Variants in ANKFN1 observed in about 807,000 individuals in gnomAD.
ANKFN1 encodes ankyrin repeat and fibronectin type III domain containing 1, also known as ankyrin repeat and fibronectin type-III domain-containing protein 1.
ANKFN1 carries 74 observed loss-of-function variants against 108.7 expected under a neutral mutation model. That is an observed-to-expected ratio of 0.68 (90% CI 0.56 to 0.83). The LOEUF is 0.83. Ranked by LOEUF, ANKFN1 falls within the 40% of genes least tolerant of loss-of-function variation. ANKFN1 has a pLI of 0.00. For missense variants in ANKFN1, 1,505 were observed against 1,382.3 expected (o/e 1.09, Z -1.41); for synonymous variants, 547 against 516.2 (o/e 1.06, Z -0.81).
intron 1 of ANKFN1, among the ~76,000 whole-genome samples, chr17:56,168,133 G>T (rs1910331532): frequency 6.6e-6 from 1 of 152,064 alleles, no homozygotes; most frequent in African/African-American, 2.4e-5. Context: ...CAGGCATGGT[G>T]GTGCATGCCT....
rs182429244 is a variant in ANKFN1, at chr17:56,304,096, A to T, written c.54-22125A>T. Among the ~76,000 whole-genome samples, 208 of 152,160 alleles carry T rather than the reference A, an allele frequency of 1.4e-3. 1 individual carries two copies. Among genetic ancestry groups the T allele is most frequent in the African/African-American group, 5.0e-3 (206 of 41,486 alleles). ...AATATTGATATTGTCAAGAAACAGA[A>T]CATTCCCATCACAACAAAAATCCTT... On this transcript the variant is annotated intron_variant, in intron 3 of 20. Transcript: ENST00000682825.
intron 4 of ANKFN1, among the ~76,000 whole-genome samples, chr17:56,346,775 G>C (rs1458547175): frequency 6.6e-6 from 1 of 151,362 alleles, no homozygotes; most frequent in African/African-American, 2.4e-5. Flanking sequence ...TTTTTTTTAG[G>C]TGTACCATTT....
intron 3 of ANKFN1, among the ~76,000 whole-genome samples, chr17:56,311,152 C>G (rs2045012929): frequency 6.7e-6 from 1 of 150,242 alleles, no homozygotes. Context: ...CTCGCTCACT[C>G]TCTCTCTCGT....
At chr17:56,113,620 C>A (rs2143262634) in intron 4 of ANKFN1, among the ~76,000 whole-genome samples, 1 of 152,292 alleles carries the variant, frequency 6.6e-6, no homozygotes, top group African/African-American at 2.4e-5. Flanking sequence ...CTAATGTTGT[C>A]ATTTTCTTAG....
At chr17:56,442,218 T>C (rs1178722032) in intron 9 of ANKFN1, among the ~76,000 whole-genome samples, 2 of 152,200 alleles carry the variant, frequency 1.3e-5, no homozygotes, top group Non-Finnish European at 2.9e-5. Context: ...GAATGAAGGA[T>C]GTTTATTGCA....
intron 1 of ANKFN1, among the ~76,000 whole-genome samples, chr17:56,154,782 A>G (rs1908941085): frequency 6.6e-6 from 1 of 152,162 alleles, no homozygotes; most frequent in African/African-American, 2.4e-5. Context: ...GGGGGGCTCC[A>G]TTCATGGTTG....
upstream of ANKFN1, among the ~76,000 whole-genome samples, chr17:56,151,887 T>A (rs561996962): frequency 6.6e-6 from 1 of 152,182 alleles, no homozygotes; most frequent in Non-Finnish European, 1.5e-5. Flanking sequence ...TTAATGCAGC[T>A]GACACTCAAC....
At chr17:56,379,934 A>G (rs760006118) in intron 8 of ANKFN1, among the ~76,000 whole-genome samples, 7 of 152,248 alleles carry the variant, frequency 4.6e-5, no homozygotes, top group Non-Finnish European at 8.8e-5. Context: ...CTGGTAAGGC[A>G]AGTTCCTCCC....
intron 18 of ANKFN1, among the ~76,000 whole-genome samples, chr17:56,484,869 T>C (rs1194671262): frequency 6.6e-6 from 1 of 152,188 alleles, no homozygotes; most frequent in African/African-American, 2.4e-5. Flanking sequence ...TCAATGGCTT[T>C]GGTGGGGACA....
chr17:56,065,153 T>C (rs1905040673), intron 4 of ANKFN1, among the ~76,000 whole-genome samples: 1 of 152,206 alleles, frequency 6.6e-6, no homozygotes, highest in Non-Finnish European at 1.5e-5. Flanking sequence ...CTGTTTCTAG[T>C]CGACCATCTT....
At chr17:56,172,019 A>C (rs1489048512) in intron 1 of ANKFN1, among the ~76,000 whole-genome samples, 2 of 152,320 alleles carry the variant, frequency 1.3e-5, no homozygotes, top group South Asian at 4.1e-4. Flanking sequence ...TAGCAAAAAA[A>C]CAAAAACAAC....
At chr17:56,437,842 A>G (rs1254289980) in intron 8 of ANKFN1, among the ~76,000 whole-genome samples, 7 of 152,170 alleles carry the variant, frequency 4.6e-5, no homozygotes, top group Admixed American at 4.6e-4. Context: ...GAGTTAATAT[A>G]TAATCTTAAT....
intron 4 of ANKFN1, among the ~76,000 whole-genome samples, chr17:56,344,987 A>C (rs1372162174): frequency 1.3e-5 from 2 of 151,932 alleles, no homozygotes; most frequent in African/African-American, 4.8e-5. Flanking sequence ...TCAACTCATC[A>C]TCTAGGTTTT....
chr17:56,152,096 A>C (rs533101141), upstream of ANKFN1, among the ~76,000 whole-genome samples: 17 of 152,236 alleles, frequency 1.1e-4, no homozygotes, highest in Non-Finnish European at 2.4e-4. Context: ...CAACAACTAA[A>C]TCCATTTGAT....
intron 4 of ANKFN1, among the ~76,000 whole-genome samples, chr17:56,126,103 A>G (rs1301191588): frequency 2.0e-5 from 3 of 152,214 alleles, no homozygotes; most frequent in Admixed American, 6.5e-5. Flanking sequence ...TGGGCCAAGG[A>G]GCTCACTGCA....
intron 16 of ANKFN1, 57 bp from the exon 17 acceptor site, chr17:56,480,610 CT>C (rs1218090831): frequency 1.9e-6 from 3 of 1,569,476 alleles, no homozygotes; most frequent in Non-Finnish European, 2.6e-6. Context: ...TAAGAAAGTT[CT>C]GAGCTGTGTT....
At chr17:56,328,989 A>T (rs2045593597) in intron 4 of ANKFN1, among the ~76,000 whole-genome samples, 2 of 152,206 alleles carry the variant, frequency 1.3e-5, no homozygotes, top group South Asian at 4.2e-4. Flanking sequence ...CTCATGGGGT[A>T]ATTTTTTAAG....
intron 4 of ANKFN1, among the ~76,000 whole-genome samples, chr17:56,337,648 T>C (rs531110042): frequency 6.6e-6 from 1 of 152,230 alleles, no homozygotes; most frequent in East Asian, 1.9e-4. Context: ...GCAAAGGATA[T>C]GGACAGACAC....
chr17:56,386,494 GA>G (rs967717188), intron 8 of ANKFN1, among the ~76,000 whole-genome samples: 28 of 142,944 alleles, frequency 2.0e-4, no homozygotes, highest in Admixed American at 6.2e-4. Context: ...AAATAAAAAA[GA>G]AAAAAAAGAA....
Sources: gnomAD v4.1 joint callset for allele counts (sites outside exome capture counted in the v4.1 genomes callset) on GRCh38, gnomAD v4.1.1 for gene constraint, MANE v1.5 for transcripts, NCBI Gene and HGNC (gene_info 2026-07-23, HGNC 2026-07-21) for gene names.